DNAH7: variants seen among roughly 807,000 people sequenced by gnomAD.
The protein encoded by DNAH7 is axonemal beta dynein heavy chain 7.
A neutral mutation model predicts 444.6 loss-of-function variants in DNAH7; 397 were observed. That is an observed-to-expected ratio of 0.89 (90% CI 0.82 to 0.97). The LOEUF (loss-of-function observed/expected upper bound fraction) is 0.97, where lower values mean the gene tolerates loss of function less well. Ranked by LOEUF, DNAH7 falls within the 50% of genes least tolerant of loss-of-function variation. DNAH7 has a pLI of 0.00. For missense variants in DNAH7, 4,902 were observed against 4,800.8 expected (o/e 1.02, Z -0.62); for synonymous variants, 1,636 against 1,624.4 (o/e 1.01, Z -0.17).
rs1413858310 is a variant in DNAH7 at position 195,884,685 on chromosome 2, G to GT, written c.5662dup (p.Thr1888AsnfsTer3). 4 of 1,613,942 alleles carry GT rather than the reference G, an allele frequency of 2.5e-6. No individual in the cohort carries two copies. Among genetic ancestry groups the GT allele is most frequent in the Non-Finnish European group, 3.4e-6 (4 of 1,179,962 alleles). ...CTCAGTACCACTCTGTAATTTAAAC[G>GT]TATTTCGAGTTCGATCTGAAATTGG... is the stretch of plus-strand genomic sequence containing the variant. On this transcript the variant is annotated frameshift_variant, in exon 35 of 65. Transcript: ENST00000312428. LOFTEE classifies it high-confidence loss of function.
chr2:195,807,136 T>A (rs1278870798), intron 53 of DNAH7, among the ~76,000 whole-genome samples: 1 of 151,966 alleles, frequency 6.6e-6, no homozygotes, highest in African/African-American at 2.4e-5. Context: ...TTCCCTTTAT[T>A]CCTCCAAACA....
At chr2:195,915,723 T>C (rs1687635255) in intron 24 of DNAH7, among the ~76,000 whole-genome samples, 2 of 152,176 alleles carry the variant, frequency 1.3e-5, no homozygotes, top group Admixed American at 6.5e-5. Flanking sequence ...GTGGCTCTCA[T>C]TCCCCATCTG....
intron 9 of DNAH7, among the ~76,000 whole-genome samples, chr2:196,016,684 A>G (rs950565853): frequency 4.6e-5 from 7 of 152,334 alleles, no homozygotes; most frequent in African/African-American, 1.4e-4. Context: ...CAGCAAAGTA[A>G]GCCGAGTCTG....
At chr2:195,844,030 A>G (rs1698840093) in intron 47 of DNAH7, among the ~76,000 whole-genome samples, 1 of 152,110 alleles carries the variant, frequency 6.6e-6, no homozygotes, top group Admixed American at 6.5e-5. Context: ...TGGGAGGCGG[A>G]GCTTGCAGTG....
intron 43 of DNAH7, 41 bp downstream of exon 43, chr2:195,858,433 T>C (rs1457521829): frequency 2.7e-6 from 4 of 1,460,732 alleles, no homozygotes; most frequent in East Asian, 4.6e-5. Context: ...TCTTGGGCTA[T>C]GATGACATGT....
intron 54 of DNAH7, among the ~76,000 whole-genome samples, chr2:195,800,974 T>C (rs1217011823): frequency 6.6e-6 from 1 of 152,216 alleles, no homozygotes; most frequent in Non-Finnish European, 1.5e-5. Context: ...CCAGTACTTC[T>C]GTGCTGACAA....
At chr2:195,933,064 T>C (rs536060400) in intron 21 of DNAH7, among the ~76,000 whole-genome samples, 1 of 152,312 alleles carries the variant, frequency 6.6e-6, no homozygotes, top group South Asian at 2.1e-4. Flanking sequence ...TTTTTTTGGT[T>C]GGTAAGCTAT....
Position 196,019,111 on chromosome 2 carries a change from T to C in DNAH7, c.869+59A>G, listed in dbSNP as rs1695208760. The C allele has an allele frequency of 3.7e-6, 5 of 1,353,762 alleles. No individual in the cohort carries two copies. The South Asian group carries it at 6.7e-5, about 18-fold the overall frequency. 83.9% of individuals were successfully genotyped at this position (1,353,762 alleles called of 1,614,324 possible). On this transcript the variant is annotated intron_variant, in intron 9 of 64. Coordinates refer to ENST00000312428, the MANE Select transcript of DNAH7 (RefSeq NM_018897.3). ...AAAATAGTAAAAGAAATAATTAAGA[T>C]ATAGTAAAACAACTTCCCTCTATAT...
At chr2:195,834,069 T>G (rs1698205155) in intron 48 of DNAH7, 137 bp downstream of exon 48, 3 of 823,932 alleles carry the variant, frequency 3.6e-6, no homozygotes, top group Non-Finnish European at 5.4e-6. Context: ...TAGCCAAGCG[T>G]GGGGGCATGT....
At chr2:196,061,930 T>G (rs1159811868) in intron 1 of DNAH7, among the ~76,000 whole-genome samples, 2 of 152,240 alleles carry the variant, frequency 1.3e-5, no homozygotes, top group Non-Finnish European at 2.9e-5. Flanking sequence ...CTACTCTTGG[T>G]CATCAGTCTC....
chr2:195,755,418 G>A (rs865948021), intron 62 of DNAH7, among the ~76,000 whole-genome samples: 8 of 152,290 alleles, frequency 5.3e-5, no homozygotes, highest in African/African-American at 1.9e-4. Flanking sequence ...TAACTAGATA[G>A]TAAATTAGAG....
At position 195,888,378 on chromosome 2, in the gene DNAH7, C is replaced by G. The variant is rs1462695415; in HGVS notation, c.5286G>C (p.Leu1762=). Residue 1762 remains leucine, a synonymous_variant, in exon 33 of 65, where the codon CTG becomes CTC. Transcript: ENST00000312428. ...GTAACAGATTCACCCAGGACAACAT[C>G]AGTGGTCTCCAGCCTAACATGTGAG... ...MEPHMLGWRP[L]MLSWVNLLPA... 1 of 1,606,616 alleles carries G rather than the reference C, an allele frequency of 6.2e-7. No individual in the cohort carries two copies. Among genetic ancestry groups the G allele is most frequent in the Non-Finnish European group, 8.5e-7 (1 of 1,177,998 alleles).
intron 17 of DNAH7, among the ~76,000 whole-genome samples, chr2:195,963,515 C>T (rs776381681): frequency 4.6e-5 from 7 of 152,082 alleles, no homozygotes; most frequent in Non-Finnish European, 1.0e-4. Flanking sequence ...TTATTAATCC[C>T]TCATCAGATG....
chr2:195,977,179 T>TA (rs1265272089), intron 15 of DNAH7, among the ~76,000 whole-genome samples: 1 of 152,042 alleles, frequency 6.6e-6, no homozygotes, highest in Non-Finnish European at 1.5e-5. Context: ...CCCAAAGAGA[T>TA]AGAGATATGT....
At chr2:195,743,707 A>G (rs114102383) in intron 63 of DNAH7, among the ~76,000 whole-genome samples, 2,774 of 152,280 alleles carry the variant, frequency 0.018, 80 homozygotes, top group African/African-American at 0.063. Flanking sequence ...TGGATTCTCT[A>G]TTTCTTTCTG....
intron 17 of DNAH7, among the ~76,000 whole-genome samples, chr2:195,961,982 T>C (rs1166322286): frequency 6.6e-6 from 1 of 152,166 alleles, no homozygotes; most frequent in African/African-American, 2.4e-5. Flanking sequence ...TATAAAATGC[T>C]AACACCCAGA....
chr2:195,998,030 GT>G (rs1693804632), intron 12 of DNAH7, among the ~76,000 whole-genome samples: 1 of 152,098 alleles, frequency 6.6e-6, no homozygotes, highest in Admixed American at 6.6e-5. Flanking sequence ...TAAAATAAAA[GT>G]TGAAAAACAA....
intron 1 of DNAH7, among the ~76,000 whole-genome samples, chr2:196,058,605 A>G (rs1697956471): frequency 6.7e-6 from 1 of 150,184 alleles, no homozygotes; most frequent in African/African-American, 2.5e-5. Flanking sequence ...TGCATGAAAT[A>G]GAATAAAAGA....
intron 36 of DNAH7, among the ~76,000 whole-genome samples, chr2:195,879,337 G>C (rs903155766): frequency 6.6e-6 from 1 of 152,004 alleles, no homozygotes; most frequent in Admixed American, 6.6e-5. Context: ...GTAACTAAAG[G>C]GGACAATTAA....
Sources: allele counts gnomAD v4.1 joint callset (sites outside exome capture counted in the v4.1 genomes callset), GRCh38; gene constraint gnomAD v4.1.1; transcripts MANE v1.5; gene names NCBI Gene and HGNC (gene_info 2026-07-23, HGNC 2026-07-21).